The following FAM187B variants were observed in gnomAD, a reference collection of about 807,000 sequenced individuals.
FAM187B encodes the protein family with sequence similarity 187 member B.
Under a neutral mutation model 22.6 loss-of-function variants are expected in FAM187B, and 22 were observed. The observed-to-expected ratio is 0.97, with a 90% CI of 0.70 to 1.39. The LOEUF (loss-of-function observed/expected upper bound fraction) is 1.39, where lower values mean the gene tolerates loss of function less well. Ranked by LOEUF, FAM187B falls within the 40% of genes most tolerant of loss-of-function variation. FAM187B has a pLI of 0.00. For synonymous variants in FAM187B, 192 were observed against 201.8 expected, an observed-to-expected ratio of 0.95 and a Z score of 0.41; for missense variants, 433 against 462.1, an observed-to-expected ratio of 0.94 and a Z score of 0.58.
chr19:35,226,575 C>T (rs975530862), intron 1 of FAM187B, among the ~76,000 whole-genome samples: 1 of 152,242 alleles, frequency 6.6e-6, no homozygotes, highest in African/African-American at 2.4e-5. Flanking sequence ...TGGAGCTTGG[C>T]ATATAAATAT....
In FAM187B at chr19:35,228,164, C is replaced by T. The variant is rs374244126; in HGVS notation, c.517G>A (p.Glu173Lys). Residue 173 changes from glutamate to lysine, a missense_variant, in exon 1 of 2, where the codon GAG becomes AAG. Physicochemically the swap from Glu to Lys is moderately conservative, Grantham distance 56. Coordinates refer to ENST00000324675, the MANE Select transcript of FAM187B (RefSeq NM_152481.2). ...TAGAGCCAGCAGGGCATGGCTTCCTCCAGAGGCTCCTCAATGTAGCGGTAC... is the reference window on the plus strand; with the variant it reads ...TAGAGCCAGCAGGGCATGGCTTCCTTCAGAGGCTCCTCAATGTAGCGGTAC... ...LGYRYIEEPL[E>K]EAMPCWLYLG... 2.0e-5 allele frequency: 32 copies of T among 1,614,078 alleles called. No individual in the cohort carries two copies. The African/African-American group carries it at 3.2e-4, about 16-fold the overall frequency.
At position 35,225,079 on chromosome 19, in the gene FAM187B, A is replaced by G; in HGVS notation, c.856T>C (p.Cys286Arg). ...LQVFQPAVYK[C>R]FVQQELVAQF... ...GCCACGAGCTCCTGCTGCACGAAGCACTTGTAGACGGCCGGCTGGAAAACC... is the reference window on the plus strand; with the variant it reads ...GCCACGAGCTCCTGCTGCACGAAGCGCTTGTAGACGGCCGGCTGGAAAACC... The change falls in exon 2 of 2, where the codon TGC becomes CGC. Residue 286 changes from cysteine to arginine, a missense_variant. Coordinates refer to ENST00000324675, the MANE Select transcript of FAM187B (RefSeq NM_152481.2). 6.2e-7 allele frequency: 1 copy of G among 1,611,388 alleles called. No homozygotes were observed. The highest frequency in any genetic ancestry group is 1.1e-5 in the South Asian group (1 of 90,858).
In FAM187B at chr19:35,228,207, GC is replaced by G. The variant is rs2065667794; in HGVS notation, c.473del (p.Gly158AlafsTer54). ...AGCGGTACCCCAGGCGTTTACACTC[GC>G]CCGGCTCCTCACAGCGGTTGCAGTC... is the stretch of plus-strand genomic sequence containing the variant. ...WQDCNRCEEP[G>X]ECKRLGYRYI... On this transcript the variant is annotated frameshift_variant, in exon 1 of 2. Coordinates refer to ENST00000324675, the MANE Select transcript of FAM187B (RefSeq NM_152481.2). LOFTEE classifies it high-confidence loss of function. 6.2e-7 allele frequency: 1 copy of G among 1,614,004 alleles called. No homozygotes were observed. Among genetic ancestry groups the G allele is most frequent in the South Asian group, 1.1e-5 (1 of 91,088 alleles).
intron 1 of FAM187B, among the ~76,000 whole-genome samples, chr19:35,227,250 C>T (rs980637803): frequency 7.2e-5 from 11 of 151,990 alleles, no homozygotes; most frequent in African/African-American, 7.3e-5. Flanking sequence ...AGAGTTGTCT[C>T]GTGATGTTGC....
rs1298521785 is a variant in FAM187B, at chr19:35,228,452, CG to C, written c.228del (p.Glu77ArgfsTer42). 11 of 1,614,034 alleles carry C rather than the reference CG, an allele frequency of 6.8e-6. No individual in the cohort carries two copies. Among genetic ancestry groups the C allele is most frequent in the Non-Finnish European group, 8.5e-6 (10 of 1,180,036 alleles). ...GGATCTTTAATGAGAAGGCTGCCCTCGGGCATTATTTCCATATTGGAAATAT... is the reference window on the plus strand; with the variant it reads ...GGATCTTTAATGAGAAGGCTGCCCTCGGCATTATTTCCATATTGGAAATAT... The part of the protein sequence containing the change: ...LTNISNMEIM[P>X]EGSLLIKDPL... On this transcript the variant is annotated frameshift_variant, in exon 1 of 2. Transcript: ENST00000324675. LOFTEE classifies it high-confidence loss of function.
At chr19:35,227,534 A>AG (rs2065665166) in intron 1 of FAM187B, among the ~76,000 whole-genome samples, 1 of 150,704 alleles carries the variant, frequency 6.6e-6, no homozygotes, top group Non-Finnish European at 1.5e-5. Context: ...TTTCTTATTA[A>AG]GGGGCAGGTG....
intron 1 of FAM187B, among the ~76,000 whole-genome samples, chr19:35,226,873 A>T (rs928185915): frequency 6.6e-6 from 1 of 152,180 alleles, no homozygotes; most frequent in South Asian, 2.1e-4. Context: ...ATGTAACATT[A>T]TTTGGAAATT....
At chr19:35,226,773 A>G (rs952809474) in intron 1 of FAM187B, among the ~76,000 whole-genome samples, 2 of 152,204 alleles carry the variant, frequency 1.3e-5, no homozygotes, top group Non-Finnish European at 2.9e-5. Context: ...ACACATCACA[A>G]TGACCCTGTG....
chr19:35,225,477 A>G (rs2065659274), intron 1 of FAM187B, among the ~76,000 whole-genome samples: 1 of 152,076 alleles, frequency 6.6e-6, no homozygotes, highest in Non-Finnish European at 1.5e-5. Context: ...TGACCTGGGC[A>G]AATGCCTCCA....
At chr19:35,225,267 C>T (rs778207907) in intron 1 of FAM187B, 55 bp from the exon 2 acceptor site, 89 of 1,439,164 alleles carry the variant, frequency 6.2e-5, no homozygotes, top group Non-Finnish European at 8.0e-5. Context: ...GGACCGACGT[C>T]TCCCTGAGGA....
rs540948504 is a variant in FAM187B at position 35,228,533 on chromosome 19, G to A, written c.148C>T (p.His50Tyr). The A allele has an allele frequency of 4.0e-5, 65 of 1,614,058 alleles. No individual in the cohort carries two copies. In the South Asian group the frequency reaches 6.5e-4, roughly 16 times the overall value. ...CCTTGTGTGAATAAATAGTACCAGT[G>A]CGCCCCCGAGGAGTTGCAATACAGG... ...ILLYCNSSGA[H>Y]WYYLFTQGKK... The change falls in exon 1 of 2, where the codon CAC becomes TAC. Residue 50 changes from histidine to tyrosine, a missense_variant. His to Tyr is a moderately conservative substitution (Grantham distance 83, BLOSUM62 2). Coordinates refer to ENST00000324675, the MANE Select transcript of FAM187B (RefSeq NM_152481.2).
In FAM187B at chr19:35,225,220, G is replaced by A. The variant is rs147161002; in HGVS notation, c.723-8C>T. ...GCACGCCAGTTGACGGGCCTGCGAGGAGGACAAGGTCAGGTGCAGGGCCAG... is the reference window on the plus strand; with the variant it reads ...GCACGCCAGTTGACGGGCCTGCGAGAAGGACAAGGTCAGGTGCAGGGCCAG... On this transcript the variant is annotated splice_region_variant and splice_polypyrimidine_tract_variant and intron_variant, in intron 1 of 1. Transcript: ENST00000324675. 1.3e-3 allele frequency: 1,941 copies of A among 1,482,860 alleles called. 25 individuals are homozygous for A. The African/African-American group carries it at 0.024, about 18-fold the overall frequency. The allele number at this position is 1,482,860 out of a possible 1,614,324, so 91.9% of individuals were successfully genotyped here.
intron 1 of FAM187B, among the ~76,000 whole-genome samples, chr19:35,227,334 G>C (rs1175322463): frequency 1.3e-5 from 2 of 151,858 alleles, no homozygotes; most frequent in Non-Finnish European, 2.9e-5. Flanking sequence ...ATTCTCCTGC[G>C]TCAGCCTCCT....
chr19:35,228,009 A>G lies in FAM187B; in HGVS notation c.672T>C (p.Asp224=), dbSNP rs768675733. 2.5e-6 allele frequency: 4 copies of G among 1,614,068 alleles called. No individual in the cohort carries two copies. Among genetic ancestry groups the G allele is most frequent in the African/African-American group, 2.7e-5 (2 of 75,066 alleles). The change falls in exon 1 of 2, where the codon GAT becomes GAC. Residue 224 remains aspartate, a synonymous_variant. Transcript: ENST00000324675. ...DYVIFDNFRL[D]EKTEFVWLDC... The stretch of plus-strand genomic sequence containing the variant: ...CGAGCCACACAAATTCTGTCTTCTC[A>G]TCGAGCCTGAAGTTGTCAAAAATGA...
At position 35,228,179 on chromosome 19, in the gene FAM187B, T is replaced by C; in HGVS notation, c.502A>G (p.Ile168Val). ...GECKRLGYRYIEEPLEEAMPC... is the reference protein window; with the variant it reads ...GECKRLGYRYVEEPLEEAMPC... ...ATGGCTTCCTCCAGAGGCTCCTCAATGTAGCGGTACCCCAGGCGTTTACAC... is the reference window on the plus strand; with the variant it reads ...ATGGCTTCCTCCAGAGGCTCCTCAACGTAGCGGTACCCCAGGCGTTTACAC... The change falls in exon 1 of 2, where the codon ATT becomes GTT. Residue 168 changes from isoleucine (I) to valine (V), a missense_variant. Physicochemically the swap from Ile to Val is conservative, Grantham distance 29. Coordinates refer to ENST00000324675, the MANE Select transcript of FAM187B (RefSeq NM_152481.2). The C allele has an allele frequency of 6.2e-7, 1 of 1,614,102 alleles. No homozygotes were observed. Among genetic ancestry groups the C allele is most frequent in the Non-Finnish European group, 8.5e-7 (1 of 1,179,950 alleles).
chr19:35,228,041 C>A lies in FAM187B; in HGVS notation c.640G>T (p.Asp214Tyr). ...QCTNNTQLRV[D>Y]YVIFDNFRLD... ...CTGAAGTTGTCAAAAATGACGTAAT[C>A]CACCCTTAACTGTGTGTTATTGGTG... Residue 214 changes from aspartate to tyrosine, a missense_variant, in exon 1 of 2, where the codon GAT (aspartate) becomes TAT (tyrosine). Physicochemically the swap from Asp to Tyr is radical, Grantham distance 160. Coordinates refer to ENST00000324675, the MANE Select transcript of FAM187B (RefSeq NM_152481.2). The A allele has an allele frequency of 6.2e-7, 1 of 1,614,130 alleles. No individual in the cohort carries two copies. Among genetic ancestry groups the A allele is most frequent in the South Asian group, 1.1e-5 (1 of 91,078 alleles).
rs756969200 is a variant in FAM187B, at chr19:35,225,073, CGAAG to C, written c.858_861del (p.Cys286TrpfsTer48). 1 of 1,612,460 alleles carries C rather than the reference CGAAG, an allele frequency of 6.2e-7. No individual in the cohort carries two copies. Among genetic ancestry groups the C allele is most frequent in the Non-Finnish European group, 8.5e-7 (1 of 1,179,192 alleles). On this transcript the variant is annotated frameshift_variant, in exon 2 of 2. Transcript: ENST00000324675. LOFTEE classifies it low-confidence loss of function (END_TRUNC). The stretch of plus-strand genomic sequence containing the variant: ...AACTGGGCCACGAGCTCCTGCTGCA[CGAAG>C]CACTTGTAGACGGCCGGCTGGAAAA...
At position 35,228,527 on chromosome 19, in the gene FAM187B, A is replaced by C. The variant is rs777692077; in HGVS notation, c.154T>G (p.Tyr52Asp). Residue 52 changes from tyrosine to aspartate, a missense_variant, in exon 1 of 2, where the codon TAC (tyrosine) becomes GAC (aspartate). Physicochemically the swap from Tyr to Asp is radical, Grantham distance 160. Coordinates refer to ENST00000324675, the MANE Select transcript of FAM187B (RefSeq NM_152481.2). ...TTCTTGCCTTGTGTGAATAAATAGT[A>C]CCAGTGCGCCCCCGAGGAGTTGCAA... ...LYCNSSGAHW[Y>D]YLFTQGKKGR... 2.5e-6 allele frequency: 4 copies of C among 1,614,144 alleles called. No homozygotes were observed. The highest frequency in any genetic ancestry group is 1.3e-5 in the African/African-American group (1 of 75,026).
At chr19:35,227,332 G>C (rs538867455) in intron 1 of FAM187B, among the ~76,000 whole-genome samples, 1 of 152,076 alleles carries the variant, frequency 6.6e-6, no homozygotes, top group Non-Finnish European at 1.5e-5. Context: ...TGATTCTCCT[G>C]CGTCAGCCTC....
Sources: gnomAD v4.1 joint callset for allele counts (sites outside exome capture counted in the v4.1 genomes callset) on GRCh38, gnomAD v4.1.1 for gene constraint, MANE v1.5 for transcripts, NCBI Gene and HGNC (gene_info 2026-07-23, HGNC 2026-07-21) for gene names.